ABCA8: variants seen among roughly 807,000 people sequenced by gnomAD.
ABCA8 encodes the protein ABC-type organic anion transporter ABCA8.
A neutral mutation model predicts 192.3 loss-of-function variants in ABCA8; 177 were observed. The ratio of observed to expected loss-of-function variants is 0.92; its 90% CI spans 0.81 to 1.04. ABCA8 has a LOEUF of 1.04. Among genes scored for constraint, ABCA8 ranks in the 50% least tolerant of loss-of-function variants. The probability of loss-of-function intolerance (pLI) is 0.00; values close to 1 mark genes in which losing one functional copy is unlikely to be tolerated. For synonymous variants in ABCA8, 642 were observed against 690.2 expected, an observed-to-expected ratio of 0.93 and a Z score of 1.09; for missense variants, 1,915 against 1,904.8, an observed-to-expected ratio of 1.01 and a Z score of -0.10.
chr17:68,900,428 G>T (rs1369392574), intron 21 of ABCA8, among the ~76,000 whole-genome samples: 1 of 149,368 alleles, frequency 6.7e-6, no homozygotes, highest in Admixed American at 6.8e-5. Context: ...ACAATTAAGA[G>T]ATCAAATTGC....
In ABCA8 at chr17:68,877,562, C is replaced by A; in HGVS notation, c.4156G>T (p.Val1386Leu). The A allele has an allele frequency of 6.2e-7, 1 of 1,613,928 alleles. No individual in the cohort carries two copies. The highest frequency in any genetic ancestry group is 8.5e-7 in the Non-Finnish European group (1 of 1,179,928). The change falls in exon 33 of 40, where the codon GTG becomes TTG. Residue 1386 changes from valine to leucine, a missense_variant. Transcript: ENST00000586539. ...VRQHLEVYAA[V>L]KGLRKGDAEV... ...GCATCCCCTTTCCTCAGCCCTTTCA[C>A]GGCGGCGTACACCTCCAGGTGCTGC...
chr17:68,900,873 C>T (rs1336270366), intron 21 of ABCA8, among the ~76,000 whole-genome samples: 2 of 151,888 alleles, frequency 1.3e-5, no homozygotes, highest in Non-Finnish European at 2.9e-5. Flanking sequence ...TAATGACAAC[C>T]CTAAAACAAA....
chr17:68,930,946 TTCTCACACAG>T (rs1178106670), intron 7 of ABCA8, among the ~76,000 whole-genome samples: 2 of 152,168 alleles, frequency 1.3e-5, no homozygotes, highest in Non-Finnish European at 2.9e-5. Context: ...TATTCATAAG[TTCTCACACAG>T]AACCTTGTCC....
chr17:68,914,051 A>G (rs1473687448), intron 17 of ABCA8, among the ~76,000 whole-genome samples: 2 of 152,114 alleles, frequency 1.3e-5, no homozygotes, highest in Admixed American at 6.5e-5. Flanking sequence ...AGGGCAAAAA[A>G]GATATGATCA....
intron 17 of ABCA8, among the ~76,000 whole-genome samples, chr17:68,912,494 G>T (rs1299990313): frequency 6.6e-6 from 1 of 151,924 alleles, no homozygotes; most frequent in Non-Finnish European, 1.5e-5. Flanking sequence ...TTGGCCTTAA[G>T]GAGGAGATAA....
intron 17 of ABCA8, among the ~76,000 whole-genome samples, chr17:68,916,349 C>A (rs970631004): frequency 1.3e-5 from 2 of 151,510 alleles, no homozygotes; most frequent in African/African-American, 2.4e-5. Context: ...TGACTATAGT[C>A]AACATATATT....
chr17:68,915,634 G>A (rs2067336658), intron 17 of ABCA8, among the ~76,000 whole-genome samples: 2 of 152,090 alleles, frequency 1.3e-5, no homozygotes, highest in African/African-American at 2.4e-5. Context: ...AACAAATGCT[G>A]GCAAGGATGT....
At chr17:68,889,545 T>G (rs980469141) in intron 24 of ABCA8, among the ~76,000 whole-genome samples, 2 of 152,198 alleles carry the variant, frequency 1.3e-5, no homozygotes, top group African/African-American at 4.8e-5. Flanking sequence ...TTTTTAATTT[T>G]GGGGGGTATA....
chr17:68,919,661 G>T, intron 13 of ABCA8, 185 bp from the exon 14 acceptor site: 1 of 540,238 alleles, frequency 1.9e-6, no homozygotes, highest in African/African-American at 1.9e-5. Context: ...CCATCAAGGT[G>T]TAGTCCCTTT....
chr17:68,954,202 A>G (rs2068650941), intron 1 of ABCA8, among the ~76,000 whole-genome samples: 3 of 89,354 alleles, frequency 3.4e-5, no homozygotes, highest in South Asian at 4.4e-4. Flanking sequence ...CCACCCCACA[A>G]CAGTCCCCAG....
chr17:68,899,976 G>C (rs2066864502), intron 21 of ABCA8, among the ~76,000 whole-genome samples: 1 of 152,154 alleles, frequency 6.6e-6, no homozygotes, highest in Non-Finnish European at 1.5e-5. Context: ...GTTTATAGCT[G>C]TAAACACCTA....
chr17:68,929,335 G>T, intron 8 of ABCA8, 101 bp from the exon 9 acceptor site: 1 of 1,103,274 alleles, frequency 9.1e-7, no homozygotes, highest in Non-Finnish European at 1.3e-6. Flanking sequence ...GTATGTAACA[G>T]TTGTATATTA....
intron 18 of ABCA8, among the ~76,000 whole-genome samples, chr17:68,907,509 A>G (rs1449330347): frequency 6.6e-6 from 1 of 152,172 alleles, no homozygotes; most frequent in East Asian, 1.9e-4. Context: ...CTAGGGAAGA[A>G]GGACTAAAAG....
intron 21 of ABCA8, among the ~76,000 whole-genome samples, chr17:68,899,363 G>A (rs562933654): frequency 1.3e-4 from 20 of 152,030 alleles, no homozygotes; most frequent in African/African-American, 4.3e-4. Flanking sequence ...AAATTTACAG[G>A]AGACACATAT....
In ABCA8 at chr17:68,891,604, A is replaced by G. The variant is rs2066625240; in HGVS notation, c.3037-8T>C. 16 of 1,590,316 alleles carry G rather than the reference A, an allele frequency of 1.0e-5. No individual in the cohort carries two copies. Among genetic ancestry groups the G allele is most frequent in the African/African-American group, 1.3e-5 (1 of 74,290 alleles). ...TGGATTGTCCTGTCCATTCTGAAAA[A>G]CCCAAAGAATACAATGAACTGAATG... is the stretch of plus-strand genomic sequence containing the variant. On this transcript the variant is annotated splice_polypyrimidine_tract_variant and splice_region_variant and intron_variant, in intron 23 of 39. Transcript: ENST00000586539.
At position 68,875,379 on chromosome 17, in the gene ABCA8, G is replaced by T; in HGVS notation, c.4512C>A (p.His1504Gln). The change falls in exon 37 of 40, where the codon CAC (histidine) becomes CAA (glutamine). Residue 1504 changes from histidine (H) to glutamine (Q), a missense_variant. Physicochemically the swap from His to Gln is conservative, Grantham distance 24. Transcript: ENST00000586539. ...AATCTTTGCCAAATTTGCTTTTCAG[G>T]TGTTGGATGGAACCGATACATCTGG... ...GRLRCIGSIQHLKSKFGKDYL... is the reference protein window; with the variant it reads ...GRLRCIGSIQQLKSKFGKDYL... 6.2e-7 allele frequency: 1 copy of T among 1,614,040 alleles called. No individual in the cohort carries two copies. The highest frequency in any genetic ancestry group is 8.5e-7 in the Non-Finnish European group (1 of 1,180,024).
chr17:68,887,553 G>A lies in ABCA8; in HGVS notation c.3145-47C>T, dbSNP rs764427589. 5 of 1,499,448 alleles carry A rather than the reference G, an allele frequency of 3.3e-6. No homozygotes were observed. The African/African-American group carries it at 4.2e-5, about 13-fold the overall frequency. The allele number at this position is 1,499,448 out of a possible 1,614,324, so 92.9% of individuals were successfully genotyped here. A position where few individuals can be genotyped will look rare whatever the true frequency, so the allele number is the denominator to read the frequency against. On this transcript the variant is annotated intron_variant, in intron 24 of 39. Coordinates refer to ENST00000586539, the MANE Select transcript of ABCA8 (RefSeq NM_001288985.2). ...TACAAAGTTTGTGGCTTAAGAATATGTGGATTATGCAAGGAACTATTCAAA... is the reference window on the plus strand; with the variant it reads ...TACAAAGTTTGTGGCTTAAGAATATATGGATTATGCAAGGAACTATTCAAA...
chr17:68,942,219 C>T (rs2068250815), intron 2 of ABCA8, among the ~76,000 whole-genome samples, 180 bp from the exon 3 acceptor site: 1 of 152,186 alleles, frequency 6.6e-6, no homozygotes, highest in Non-Finnish European at 1.5e-5. Context: ...TCCCCACTTG[C>T]AGACTCTGTT....
intron 23 of ABCA8, among the ~76,000 whole-genome samples, chr17:68,893,683 C>T (rs1048231490): frequency 4.7e-5 from 7 of 149,622 alleles, no homozygotes; most frequent in Admixed American, 4.7e-4. Context: ...GTGCTGGTCA[C>T]AGTGCTGTAA....
Sources: allele counts gnomAD v4.1 joint callset (sites outside exome capture counted in the v4.1 genomes callset), GRCh38; gene constraint gnomAD v4.1.1; transcripts MANE v1.5; gene names NCBI Gene and HGNC (gene_info 2026-07-23, HGNC 2026-07-21).